The following DIP2C variants were observed in gnomAD, a reference collection of about 807,000 sequenced individuals.
The protein encoded by DIP2C is disco-interacting protein 2 homolog C.
DIP2C carries 33 observed loss-of-function variants against 192.4 expected under a neutral mutation model. The observed-to-expected ratio is 0.17, with a 90% CI of 0.13 to 0.23. The LOEUF is 0.23. Ranked by LOEUF, DIP2C falls within the 10% of genes least tolerant of loss-of-function variation. DIP2C has a pLI of 1.00. For synonymous variants in DIP2C, 979 were observed against 864.1 expected (o/e 1.13, Z -2.33); for missense variants, 1,537 against 2,110.1 (o/e 0.73, Z 5.32).
At chr10:419,629 G>A (rs533046196) in intron 5 of DIP2C, among the ~76,000 whole-genome samples, 11 of 152,286 alleles carry the variant, frequency 7.2e-5, no homozygotes, top group South Asian at 2.1e-4. Flanking sequence ...TAAGCTCTCC[G>A]TGCCTCAGTT....
rs907124306 is a variant in DIP2C, at chr10:438,515, G to T, written c.394+2356C>A. Among the ~76,000 whole-genome samples the T allele has an allele frequency of 2.0e-4, 30 of 151,724 alleles. 2 individuals are homozygous for T. The highest frequency in any genetic ancestry group is 5.8e-4 in the African/African-American group (24 of 41,304). ...TAAGCATTTTTTTTTTTTGAGATAGGGTCTTCCTCTGTTGCCCAGGCTGCA... is the reference window on the plus strand; with the variant it reads ...TAAGCATTTTTTTTTTTTGAGATAGTGTCTTCCTCTGTTGCCCAGGCTGCA... On this transcript the variant is annotated intron_variant, in intron 4 of 36. Transcript: ENST00000280886.
At chr10:684,654 G>A (rs1390384354) in intron 1 of DIP2C, among the ~76,000 whole-genome samples, 2 of 152,106 alleles carry the variant, frequency 1.3e-5, no homozygotes, top group Non-Finnish European at 2.9e-5. Context: ...GGTGCCGAGG[G>A]CAGAACTCCA....
chr10:421,345 G>T (rs1966168320), intron 5 of DIP2C, among the ~76,000 whole-genome samples: 1 of 152,202 alleles, frequency 6.6e-6, no homozygotes, highest in East Asian at 1.9e-4. Flanking sequence ...TCAAAAATAT[G>T]TGTTTTCCTT....
intron 1 of DIP2C, among the ~76,000 whole-genome samples, chr10:527,349 G>A (rs548710104): frequency 1.3e-5 from 2 of 152,320 alleles, no homozygotes; most frequent in African/African-American, 4.8e-5. Flanking sequence ...AAATATTGCT[G>A]ATTAGCTAAA....
intron 1 of DIP2C, among the ~76,000 whole-genome samples, chr10:514,749 C>T (rs1275070284): frequency 1.3e-5 from 2 of 151,792 alleles, no homozygotes; most frequent in South Asian, 2.1e-4. Flanking sequence ...GGAGGATGCC[C>T]GTATCAACGC....
chr10:371,883 C>T (rs560084315), intron 17 of DIP2C, among the ~76,000 whole-genome samples: 129 of 152,232 alleles, frequency 8.5e-4, no homozygotes, highest in African/African-American at 2.7e-3. Context: ...TTACGAGAGC[C>T]GGAATACGCT....
intron 14 of DIP2C, among the ~76,000 whole-genome samples, chr10:386,428 G>A (rs1351288827): frequency 6.6e-6 from 1 of 152,148 alleles, no homozygotes; most frequent in Non-Finnish European, 1.5e-5. Context: ...CCCAAAGCAG[G>A]GGCTCCCACT....
At chr10:388,688 G>C (rs765636628) in intron 13 of DIP2C, among the ~76,000 whole-genome samples, 1 of 152,216 alleles carries the variant, frequency 6.6e-6, no homozygotes, top group Non-Finnish European at 1.5e-5. Context: ...ATACCCACGA[G>C]ACACACACGC....
At chr10:401,630 G>C (rs542935008) in intron 9 of DIP2C, among the ~76,000 whole-genome samples, 3 of 130,014 alleles carry the variant, frequency 2.3e-5, no homozygotes, top group East Asian at 2.2e-4. Context: ...GGACAAGTTT[G>C]GTACATTTTC....
At chr10:329,027 G>A (rs1414217993) in intron 30 of DIP2C, among the ~76,000 whole-genome samples, 1 of 152,176 alleles carries the variant, frequency 6.6e-6, no homozygotes, top group Non-Finnish European at 1.5e-5. Context: ...AGAAATCAGG[G>A]TCTCCAGGGA....
chr10:505,187 G>A (rs1161241493), intron 1 of DIP2C, among the ~76,000 whole-genome samples: 1 of 152,150 alleles, frequency 6.6e-6, no homozygotes, highest in Non-Finnish European at 1.5e-5. Context: ...AATTCCAATT[G>A]CTGATGTTTT....
intron 1 of DIP2C, among the ~76,000 whole-genome samples, chr10:577,892 A>T (rs1850275502): frequency 6.6e-6 from 1 of 151,642 alleles, no homozygotes; most frequent in Non-Finnish European, 1.5e-5. Flanking sequence ...AGCAATTTCT[A>T]TTTCTCCATG....
rs1227867864 is a variant in DIP2C at position 274,652 on chromosome 10, C to T, written c.*2673G>A. On this transcript the variant is annotated 3_prime_UTR_variant, in exon 37 of 37. Coordinates refer to ENST00000280886, the MANE Select transcript of DIP2C (RefSeq NM_014974.3). ...AACCAGTCACCACACTCTGAAATAA[C>T]GCTGCTAACATTCAACTGATAAAAG... 1 of 152,126 alleles carries T rather than the reference C, an allele frequency of 6.6e-6. No homozygotes were observed. The highest frequency in any genetic ancestry group is 6.5e-5 in the Admixed American group (1 of 15,280). 9.4% of individuals were successfully genotyped at this position (152,126 alleles called of 1,614,324 possible). A position where few individuals can be genotyped will look rare whatever the true frequency, so the allele number is the denominator to read the frequency against.
Position 680,700 on chromosome 10 carries a change from G to A in DIP2C, c.85+8794C>T, listed in dbSNP as rs114253248. Among the ~76,000 whole-genome samples, 1,350 of 152,358 alleles carry A rather than the reference G, an allele frequency of 8.9e-3. 27 individuals are homozygous for A. Among genetic ancestry groups the A allele is most frequent in the African/African-American group, 0.031 (1,294 of 41,570 alleles). The stretch of plus-strand genomic sequence containing the variant: ...TGTGAATTTCCATGCGATGAGAAAG[G>A]GAATGGGGAAATAAAACAAGGATTC... On this transcript the variant is annotated intron_variant, in intron 1 of 36. Transcript: ENST00000280886.
intron 3 of DIP2C, among the ~76,000 whole-genome samples, chr10:465,680 T>C (rs1012060653): frequency 3.9e-5 from 6 of 152,078 alleles, no homozygotes; most frequent in Non-Finnish European, 7.4e-5. Context: ...GATAAGCAAC[T>C]TCAGCAAAGT....
chr10:334,322 A>AAAG (rs1957650566), intron 29 of DIP2C, among the ~76,000 whole-genome samples: 1 of 151,368 alleles, frequency 6.6e-6, no homozygotes, highest in Admixed American at 6.6e-5. Flanking sequence ...AAAAAAAAAA[A>AAAG]AAAGAAAAAA....
At chr10:339,041 C>A (rs1019788260) in intron 29 of DIP2C, among the ~76,000 whole-genome samples, 3 of 152,066 alleles carry the variant, frequency 2.0e-5, no homozygotes, top group Non-Finnish European at 2.9e-5. Flanking sequence ...CGCGGCTGCC[C>A]CCACCAAGAC....
intron 17 of DIP2C, among the ~76,000 whole-genome samples, chr10:379,913 T>A (rs963073351): frequency 6.6e-6 from 1 of 151,678 alleles, no homozygotes; most frequent in Non-Finnish European, 1.5e-5. Context: ...CCCTGGATGA[T>A]GGTTAACAGG....
intron 1 of DIP2C, among the ~76,000 whole-genome samples, chr10:572,144 C>T (rs1007219872): frequency 1.3e-5 from 2 of 152,236 alleles, no homozygotes; most frequent in Non-Finnish European, 2.9e-5. Flanking sequence ...CTCCCTCAGC[C>T]TGCCGGGAGC....
Sources: allele counts gnomAD v4.1 joint callset (sites outside exome capture counted in the v4.1 genomes callset), GRCh38; gene constraint gnomAD v4.1.1; transcripts MANE v1.5; gene names NCBI Gene and HGNC (gene_info 2026-07-23, HGNC 2026-07-21).